The following PPP2R5E variants were observed in gnomAD, a reference collection of about 807,000 sequenced individuals.
The protein encoded by PPP2R5E is serine/threonine-protein phosphatase 2A 56 kDa regulatory subunit epsilon isoform.
In PPP2R5E, 4 loss-of-function variants were observed where a neutral mutation model predicts 65.3. The observed-to-expected ratio is 0.06, with a 90% CI of 0.03 to 0.14. The LOEUF is 0.14. Ranked by LOEUF, PPP2R5E falls within the 10% of genes least tolerant of loss-of-function variation. The pLI is 1.00. For synonymous variants in PPP2R5E, 183 were observed against 187.4 expected (o/e 0.98, Z 0.19); for missense variants, 274 against 556.1 (o/e 0.49, Z 5.10).
intron 3 of PPP2R5E, among the ~76,000 whole-genome samples, chr14:63,447,761 T>G (rs766029702): frequency 1.3e-5 from 2 of 152,204 alleles, no homozygotes; most frequent in South Asian, 4.1e-4. Flanking sequence ...GCTAAATCAC[T>G]TCTAGCTTTT....
rs536390295 is a variant in PPP2R5E, at chr14:63,477,329, C to A, written c.158-23444G>T. Among the ~76,000 whole-genome samples the A allele has an allele frequency of 3.3e-5, 5 of 152,170 alleles. No homozygotes were observed. The East Asian group carries it at 7.7e-4, about 23-fold the overall frequency. The stretch of plus-strand genomic sequence containing the variant: ...CTCAATACATTCCAGGAACTGCCAA[C>A]CTGCTTTAATGATAACAACAACAAA... On this transcript the variant is annotated intron_variant, in intron 2 of 13. Coordinates refer to ENST00000337537, the MANE Select transcript of PPP2R5E (RefSeq NM_006246.5).
rs527888659 is a variant in PPP2R5E at position 63,425,436 on chromosome 14, G to A, written c.355-3342C>T. Among the ~76,000 whole-genome samples the A allele has an allele frequency of 4.6e-5, 7 of 152,270 alleles. No individual in the cohort carries two copies. In the East Asian group the frequency reaches 1.3e-3, roughly 29 times the overall value. On this transcript the variant is annotated intron_variant, in intron 3 of 13. Transcript: ENST00000337537. Reference sequence around the variant, plus strand: ...AAAACTGAGTCTTCATCCCAACTGAGTCATTTATACGTACTACACTTTTTA... The same window carrying A: ...AAAACTGAGTCTTCATCCCAACTGAATCATTTATACGTACTACACTTTTTA...
chr14:63,520,963 A>C (rs1324010330), intron 2 of PPP2R5E, among the ~76,000 whole-genome samples: 1 of 151,420 alleles, frequency 6.6e-6, no homozygotes, highest in Non-Finnish European at 1.5e-5. Context: ...GGCGTGAACC[A>C]GGGAGGTAGA....
chr14:63,524,778 C>T (rs1213076244), intron 2 of PPP2R5E, among the ~76,000 whole-genome samples: 1 of 152,238 alleles, frequency 6.6e-6, no homozygotes, highest in Admixed American at 6.5e-5. Context: ...CGGCCTGCCA[C>T]ACCTCTCCCC....
intron 2 of PPP2R5E, among the ~76,000 whole-genome samples, chr14:63,466,839 A>G (rs983168516): frequency 1.3e-5 from 2 of 152,198 alleles, no homozygotes; most frequent in African/African-American, 4.8e-5. Flanking sequence ...ATATGACTCC[A>G]AAATCAAAAC....
chr14:63,386,264 C>T, intron 11 of PPP2R5E, among the ~76,000 whole-genome samples: 1 of 152,180 alleles, frequency 6.6e-6, no homozygotes, highest in Non-Finnish European at 1.5e-5. Context: ...ACTGCATGTT[C>T]ACTATATGCC....
chr14:63,383,361 G>C (rs1425102201), intron 12 of PPP2R5E, among the ~76,000 whole-genome samples: 1 of 152,202 alleles, frequency 6.6e-6, no homozygotes, highest in East Asian at 1.9e-4. Flanking sequence ...CACTTGCTGT[G>C]TAGCTTCTGC....
At chr14:63,512,301 T>C (rs1394926375) in intron 2 of PPP2R5E, among the ~76,000 whole-genome samples, 1 of 152,186 alleles carries the variant, frequency 6.6e-6, no homozygotes, top group Non-Finnish European at 1.5e-5. Context: ...GCTGCACTTC[T>C]CTTCCTTAGC....
chr14:63,436,035 C>G (rs1445558830), intron 3 of PPP2R5E, among the ~76,000 whole-genome samples: 1 of 152,184 alleles, frequency 6.6e-6, no homozygotes, highest in Non-Finnish European at 1.5e-5. Flanking sequence ...CTCGTACCGC[C>G]TGGGTTGGCC....
intron 2 of PPP2R5E, among the ~76,000 whole-genome samples, chr14:63,475,287 T>C (rs1890351997): frequency 6.6e-6 from 1 of 152,242 alleles, no homozygotes; most frequent in Non-Finnish European, 1.5e-5. Context: ...CCACATTATA[T>C]CTTGCCTATA....
intron 2 of PPP2R5E, among the ~76,000 whole-genome samples, chr14:63,517,536 T>C (rs537350775): frequency 3.3e-5 from 5 of 152,358 alleles, no homozygotes; most frequent in Admixed American, 1.3e-4. Context: ...GACATAATCA[T>C]GGATGATGCT....
chr14:63,376,058 T>C lies in PPP2R5E; in HGVS notation c.1355A>G (p.Asp452Gly), dbSNP rs1384955396. ...EREELWKKLEDLELKRGLRRD... is the reference protein window; with the variant it reads ...EREELWKKLEGLELKRGLRRD... ...TCTAAGACCTCTCTTTAACTCCAGA[T>C]CCTCCAATTTTTTCCACAATTCTTC... Residue 452 changes from aspartate to glycine, a missense_variant, in exon 14 of 14, where the codon GAT becomes GGT. Physicochemically the swap from Asp to Gly is moderately conservative, Grantham distance 94 (BLOSUM62 -1). Around this residue, in one of 6 missense-constraint regions of PPP2R5E, gnomAD observed 129 missense variants for 254.9 expected, o/e 0.51. Coordinates refer to ENST00000337537, the MANE Select transcript of PPP2R5E (RefSeq NM_006246.5). 6.2e-7 allele frequency: 1 copy of C among 1,610,208 alleles called. No individual in the cohort carries two copies. Among genetic ancestry groups the C allele is most frequent in the Non-Finnish European group, 8.5e-7 (1 of 1,176,746 alleles).
Position 63,440,948 on chromosome 14 carries a change from CAAAAA to C in PPP2R5E, c.354+12736_354+12740del, listed in dbSNP as rs374563795. ...TGGGCAACAGAGCGAGACTCCATCT[CAAAAA>C]AAAAAAAAAAAAAAGAGTATGGGTT... On this transcript the variant is annotated intron_variant, in intron 3 of 13. Transcript: ENST00000337537. 1.8e-4 allele frequency among the ~76,000 whole-genome samples: 12 copies of C among 67,668 alleles called. 1 individual carries two copies. In the South Asian group the frequency reaches 1.8e-3, roughly 10 times the overall value. The allele number at this position is 67,668 out of a possible 152,430, so 44.4% of individuals were successfully genotyped here. A position where few individuals can be genotyped will look rare whatever the true frequency, so the allele number is the denominator to read the frequency against.
intron 2 of PPP2R5E, among the ~76,000 whole-genome samples, chr14:63,457,054 T>TATAC (rs757292698): frequency 3.3e-5 from 5 of 152,248 alleles, no homozygotes; most frequent in African/African-American, 4.8e-5. Flanking sequence ...AGGAAAGTTT[T>TATAC]ATACATGTTG....
At chr14:63,403,387 C>CAAAAAAAAAAAAAAAAAAAA (rs35226807) in intron 5 of PPP2R5E, among the ~76,000 whole-genome samples, 1 of 79,278 alleles carries the variant, frequency 1.3e-5, no homozygotes, top group Non-Finnish European at 2.9e-5. Context: ...GAGTCTGTCT[C>CAAAAAAAAAAAAAAAAAAAA]AAAAAAAAAA....
At chr14:63,535,506 A>C (rs1893633486) in intron 2 of PPP2R5E, among the ~76,000 whole-genome samples, 1 of 152,244 alleles carries the variant, frequency 6.6e-6, no homozygotes, top group African/African-American at 2.4e-5. Context: ...TAAAACGCTA[A>C]GAATTAATGC....
intron 6 of PPP2R5E, 56 bp from the exon 7 acceptor site, chr14:63,395,341 G>A: frequency 2.6e-6 from 3 of 1,169,218 alleles, no homozygotes; most frequent in South Asian, 2.6e-5. Context: ...GAGAAGGAAG[G>A]GATAAAAAGA....
intron 3 of PPP2R5E, among the ~76,000 whole-genome samples, chr14:63,440,946 C>A (rs1313289539): frequency 7.4e-5 from 4 of 53,784 alleles, no homozygotes; most frequent in East Asian, 2.7e-3. Context: ...GAGACTCCAT[C>A]TCAAAAAAAA....
intron 1 of PPP2R5E, among the ~76,000 whole-genome samples, chr14:63,540,299 C>T (rs944895951): frequency 6.6e-6 from 1 of 151,584 alleles, no homozygotes; most frequent in Non-Finnish European, 1.5e-5. Context: ...GGCGCAGTGG[C>T]ATGCACCTGT....
Sources: allele counts gnomAD v4.1 joint callset (sites outside exome capture counted in the v4.1 genomes callset), GRCh38; gene constraint gnomAD v4.1.1; regional missense constraint gnomAD v4.1.1; transcripts MANE v1.5; gene names NCBI Gene and HGNC (gene_info 2026-07-23, HGNC 2026-07-21).